The following HEATR4 variants were observed in gnomAD, a reference collection of about 807,000 sequenced individuals.
The protein encoded by HEATR4 is HEAT repeat-containing protein 4.
In HEATR4, 95 loss-of-function variants were observed where a neutral mutation model predicts 108.8. The observed-to-expected ratio is 0.87, with a 90% CI of 0.74 to 1.04. The LOEUF (loss-of-function observed/expected upper bound fraction) is 1.04, where lower values mean the gene tolerates loss of function less well. HEATR4 is among the 50% of genes least tolerant of loss of function. The pLI is 0.00. For missense variants in HEATR4, 1,152 were observed against 1,253.8 expected (o/e 0.92, Z 1.23); for synonymous variants, 443 against 459.4 (o/e 0.96, Z 0.46).
chr14:73,606,620 TG>T, the HEATR4 span, among the ~76,000 whole-genome samples: 3 of 152,066 alleles, frequency 2.0e-5, no homozygotes, highest in African/African-American at 7.3e-5. Context: ...ACTGCCAATA[TG>T]TCTGGCTTTT....
chr14:73,581,435 GCCT>G, the HEATR4 span: 4 of 151,816 alleles, frequency 2.6e-5, no homozygotes, highest in South Asian at 8.3e-4. Context: ...CTTCCCAAAT[GCCT>G]CGTGATGTGT....
At chr14:73,583,406 C>G in the HEATR4 span, among the ~76,000 whole-genome samples, 1 of 151,782 alleles carries the variant, frequency 6.6e-6, no homozygotes, top group Non-Finnish European at 1.5e-5. Flanking sequence ...CCCCTTTACC[C>G]CAACCAATCA....
At chr14:73,502,733 A>G (rs1424107664) in intron 11 of HEATR4, among the ~76,000 whole-genome samples, 162 bp downstream of exon 11, 1 of 151,902 alleles carries the variant, frequency 6.6e-6, no homozygotes, top group East Asian at 1.9e-4. Context: ...ATTTTTAGTA[A>G]AGACAGGGTT....
At chr14:73,621,302 A>G in the HEATR4 span, among the ~76,000 whole-genome samples, 3 of 152,204 alleles carry the variant, frequency 2.0e-5, no homozygotes, top group Non-Finnish European at 2.9e-5. Context: ...GGGGATTCCC[A>G]GTCACTATAT....
At position 73,511,982 on chromosome 14, in the gene HEATR4, A is replaced by C. The variant is rs912603683; in HGVS notation, c.1558+24T>G. 6 of 1,613,462 alleles carry C rather than the reference A, an allele frequency of 3.7e-6. No homozygotes were observed. The African/African-American group carries it at 6.7e-5, about 18-fold the overall frequency. On this transcript the variant is annotated intron_variant, in intron 7 of 17. Coordinates refer to ENST00000553558, the MANE Select transcript of HEATR4 (RefSeq NM_001220484.1). The stretch of plus-strand genomic sequence containing the variant: ...GGCTTTATGAGTTGCTTATGTTCTC[A>C]AGCAGTTCAGCTTTGGCTCTCACCT...
Position 73,556,823 on chromosome 14 carries a change from G to C in HEATR4, c.-152+1928C>G, listed in dbSNP as rs1404721491. 1.7e-5 allele frequency among the ~76,000 whole-genome samples: 2 copies of C among 114,558 alleles called. 1 individual carries two copies. The highest frequency in any genetic ancestry group is 3.8e-5 in the Non-Finnish European group (2 of 52,196). The allele number at this position is 114,558 out of a possible 152,430, so 75.2% of individuals were successfully genotyped here. A position where few individuals can be genotyped will look rare whatever the true frequency, so the allele number is the denominator to read the frequency against. On this transcript the variant is annotated intron_variant, in intron 1 of 17. Transcript: ENST00000553558. The stretch of plus-strand genomic sequence containing the variant: ...TTATTATTAGTTTAGAGGATGGACT[G>C]TTGTCCTTAGAAGGCAAGTCTCTGG...
At chr14:73,482,996 A>G (rs889855934) in intron 17 of HEATR4, among the ~76,000 whole-genome samples, 11 of 152,154 alleles carry the variant, frequency 7.2e-5, no homozygotes, top group Non-Finnish European at 1.3e-4. Context: ...TAAAACAAAA[A>G]CATTTAGGAA....
chr14:73,573,637 T>C, the HEATR4 span: 464,450 of 1,606,080 alleles, frequency 0.29, 69,029 homozygotes, highest in Admixed American at 0.38. Flanking sequence ...TCAGGTCTCT[T>C]CTTAAATGGT....
At chr14:73,607,394 C>G in the HEATR4 span, among the ~76,000 whole-genome samples, 1 of 152,166 alleles carries the variant, frequency 6.6e-6, no homozygotes, top group South Asian at 2.1e-4. Flanking sequence ...CACAGGGCAC[C>G]AAGTCACAAG....
intron 2 of HEATR4, among the ~76,000 whole-genome samples, chr14:73,528,286 T>G (rs1888469400): frequency 2.0e-5 from 3 of 147,576 alleles, no homozygotes; most frequent in South Asian, 4.2e-4. Context: ...TCCCAGCTAC[T>G]CAGGAGGCTG....
At chr14:73,633,466 A>G in the HEATR4 span, among the ~76,000 whole-genome samples, 3 of 152,138 alleles carry the variant, frequency 2.0e-5, no homozygotes, top group African/African-American at 7.2e-5. Context: ...TTATAGTTCA[A>G]TTCAGTATCT....
chr14:73,552,105 G>C lies in HEATR4; in HGVS notation c.-152+6646C>G, dbSNP rs1370199721. Among the ~76,000 whole-genome samples, 41 of 114,338 alleles carry C rather than the reference G, an allele frequency of 3.6e-4. 9 individuals are homozygous for C. Among genetic ancestry groups the C allele is most frequent in the African/African-American group, 1.0e-3 (37 of 35,282 alleles). The allele number at this position is 114,338 out of a possible 152,430, so 75.0% of individuals were successfully genotyped here. On this transcript the variant is annotated intron_variant, in intron 1 of 17. Transcript: ENST00000553558. ...ACTTTCCTTTCTTTCATGTCCTAAA[G>C]ACTTTTTAAATAAACTTCCACTCTG... is the stretch of plus-strand genomic sequence containing the variant.
At chr14:73,525,552 A>C (rs1235636009) in intron 2 of HEATR4, among the ~76,000 whole-genome samples, 1 of 152,074 alleles carries the variant, frequency 6.6e-6, no homozygotes, top group African/African-American at 2.4e-5. Context: ...AACAGTGGCT[A>C]CTCCCACTGG....
At chr14:73,503,524 G>A (rs1473369604) in intron 10 of HEATR4, among the ~76,000 whole-genome samples, 4 of 152,202 alleles carry the variant, frequency 2.6e-5, no homozygotes, top group African/African-American at 9.7e-5. Flanking sequence ...TGCCCACGCT[G>A]TTCTTCCTGC....
the HEATR4 span, chr14:73,595,955 T>G: frequency 4.3e-6 from 1 of 231,540 alleles, no homozygotes; most frequent in East Asian, 8.6e-5. Context: ...TTAAAGCTGG[T>G]GACTTTTTCC....
chr14:73,627,720 G>A, the HEATR4 span, among the ~76,000 whole-genome samples: 2 of 152,082 alleles, frequency 1.3e-5, no homozygotes, highest in African/African-American at 2.4e-5. Flanking sequence ...ATCTAGGCAC[G>A]ATTGATTAAA....
chr14:73,591,942 C>A, the HEATR4 span: 1 of 1,361,480 alleles, frequency 7.3e-7, no homozygotes, highest in Non-Finnish European at 9.5e-7. Context: ...CCTTTGAATT[C>A]CCCGCTCCGG....
chr14:73,522,461 T>C lies in HEATR4; in HGVS notation c.692A>G (p.Asn231Ser). The C allele has an allele frequency of 6.2e-7, 1 of 1,614,246 alleles. No individual in the cohort carries two copies. The highest frequency in any genetic ancestry group is 1.7e-5 in the Admixed American group (1 of 60,028). ...KRPRRPGASPNKWQSFLRQQY... is the reference protein window; with the variant it reads ...KRPRRPGASPSKWQSFLRQQY... ...CTGGCGCAGGAAGCTCTGCCACTTG[T>C]TGGGGGATGCCCCAGGCCTTCGAGG... is the stretch of plus-strand genomic sequence containing the variant. Residue 231 changes from asparagine to serine, a missense_variant, in exon 3 of 18, where the codon AAC (asparagine) becomes AGC (serine). By Grantham distance (46) the Asn-to-Ser change is conservative (BLOSUM62 1). Coordinates refer to ENST00000553558, the MANE Select transcript of HEATR4 (RefSeq NM_001220484.1).
chr14:73,589,954 G>C, the HEATR4 span, among the ~76,000 whole-genome samples: 4 of 152,194 alleles, frequency 2.6e-5, no homozygotes, highest in African/African-American at 7.2e-5. Context: ...TGGTGAGTTC[G>C]TGGTCTGGTA....
Sources: gnomAD v4.1 joint callset for allele counts (sites outside exome capture counted in the v4.1 genomes callset) on GRCh38, gnomAD v4.1.1 for gene constraint, MANE v1.5 for transcripts, NCBI Gene and HGNC (gene_info 2026-07-23, HGNC 2026-07-21) for gene names.